Variants in OCM observed in about 807,000 individuals in gnomAD.
OCM encodes the protein oncomodulin-1.
A neutral mutation model predicts 14.1 loss-of-function variants in OCM; 18 were observed. The ratio of observed to expected loss-of-function variants is 1.28; its 90% CI spans 0.88 to 1.89. The LOEUF is 1.89. Ranked by LOEUF, OCM falls within the 40% of genes most tolerant of loss-of-function variation. OCM has a pLI of 0.00. For missense variants in OCM, 140 were observed against 137.6 expected (o/e 1.02, Z -0.09); for synonymous variants, 48 against 51.0 (o/e 0.94, Z 0.25).
In OCM at chr7:5,886,245, A is replaced by G. The variant is rs1781335041; in HGVS notation, c.*156A>G. 1.9e-6 allele frequency: 2 copies of G among 1,078,360 alleles called. No individual in the cohort carries two copies. Among genetic ancestry groups the G allele is most frequent in the Non-Finnish European group, 1.4e-6 (1 of 736,894 alleles). The allele number at this position is 1,078,360 out of a possible 1,614,324, so 66.8% of individuals were successfully genotyped here. Reference sequence around the variant, plus strand: ...TGCTCATTGTTTTAGTGAGGTCACGAGGGAGTCACTCCTGACTTTCTTGGT... The same window carrying G: ...TGCTCATTGTTTTAGTGAGGTCACGGGGGAGTCACTCCTGACTTTCTTGGT... On this transcript the variant is annotated 3_prime_UTR_variant, in exon 4 of 4. Transcript: ENST00000242104.
At chr7:5,881,082 G>C in intron 1 of OCM, 132 bp downstream of exon 1, 1 of 826,146 alleles carries the variant, frequency 1.2e-6, no homozygotes, top group South Asian at 1.6e-5. Context: ...ACTTTGGGAG[G>C]CCGAGGCGGG....
the OCM span, among the ~76,000 whole-genome samples, chr7:5,873,019 A>G: frequency 6.6e-6 from 1 of 152,092 alleles, no homozygotes; most frequent in African/African-American, 2.4e-5. Context: ...AGTGAACCAC[A>G]ATCGCATCAT....
chr7:5,883,344 C>G (rs1406522686), intron 2 of OCM, among the ~76,000 whole-genome samples: 1 of 151,970 alleles, frequency 6.6e-6, no homozygotes, highest in African/African-American at 2.4e-5. Context: ...GAGAGAGACT[C>G]TGTCTCAAAT....
chr7:5,870,634 T>C, the OCM span, among the ~76,000 whole-genome samples: 1 of 152,218 alleles, frequency 6.6e-6, no homozygotes, highest in Admixed American at 6.5e-5. Context: ...TAGTTTATCT[T>C]CATCTGTAAA....
upstream of OCM, among the ~76,000 whole-genome samples, chr7:5,879,187 C>G (rs148667509): frequency 9.2e-5 from 14 of 152,278 alleles, no homozygotes; most frequent in African/African-American, 3.1e-4. Context: ...GGCAACAGAG[C>G]AAGACCCTGT....
At chr7:5,860,130 A>T in the OCM span, among the ~76,000 whole-genome samples, 2 of 152,062 alleles carry the variant, frequency 1.3e-5, no homozygotes, top group South Asian at 4.2e-4. Flanking sequence ...GGAGCGAGAG[A>T]TGCCAGCTCT....
the OCM span, among the ~76,000 whole-genome samples, chr7:5,867,767 GGTT>G: frequency 2.0e-4 from 31 of 151,252 alleles, no homozygotes; most frequent in East Asian, 1.2e-3. Context: ...TGTTTTGGGG[GGTT>G]GTTTTTTCTA....
At chr7:5,885,605 T>C (rs1279581338) in intron 3 of OCM, among the ~76,000 whole-genome samples, 1 of 151,640 alleles carries the variant, frequency 6.6e-6, no homozygotes, top group Admixed American at 6.6e-5. Flanking sequence ...TTTTTCTTTC[T>C]TTCTTTCCTT....
the OCM span, among the ~76,000 whole-genome samples, chr7:5,860,065 C>A: frequency 1.6e-4 from 24 of 150,320 alleles, no homozygotes; most frequent in South Asian, 8.5e-4. Context: ...AGACCCCCCC[C>A]ACAAAGAGAA....
intron 2 of OCM, among the ~76,000 whole-genome samples, 189 bp downstream of exon 2, chr7:5,882,814 C>T (rs2128606952): frequency 6.7e-6 from 1 of 150,150 alleles, no homozygotes; most frequent in South Asian, 2.1e-4. Context: ...TCAATATGGG[C>T]AGAGAAGACT....
upstream of OCM, chr7:5,879,712 T>G (rs1468271237): frequency 6.6e-6 from 1 of 150,448 alleles, no homozygotes; most frequent in Non-Finnish European, 1.5e-5. Flanking sequence ...TTTTTTTTTT[T>G]TACAATTGGC....
At chr7:5,861,654 G>C in the OCM span, among the ~76,000 whole-genome samples, 69 of 152,282 alleles carry the variant, frequency 4.5e-4, no homozygotes, top group African/African-American at 1.5e-3. Flanking sequence ...TCTCTCACCA[G>C]TGCTTGGCAT....
At chr7:5,869,243 A>C in the OCM span, among the ~76,000 whole-genome samples, 1 of 152,150 alleles carries the variant, frequency 6.6e-6, no homozygotes, top group Non-Finnish European at 1.5e-5. Flanking sequence ...AGGCCCTCCT[A>C]GACACACCTG....
chr7:5,878,489 G>A (rs1270016138), upstream of OCM, among the ~76,000 whole-genome samples: 31 of 151,144 alleles, frequency 2.1e-4, no homozygotes, highest in Admixed American at 1.3e-3. Context: ...GCTCACGCCT[G>A]TAATCCCAGC....
the OCM span, among the ~76,000 whole-genome samples, chr7:5,861,676 C>G: frequency 0.017 from 2,511 of 152,180 alleles, 60 homozygotes; most frequent in African/African-American, 0.057. Flanking sequence ...GGTCAGCCCT[C>G]CTCATTTTGG....
chr7:5,864,210 A>C, the OCM span, among the ~76,000 whole-genome samples: 1 of 151,120 alleles, frequency 6.6e-6, no homozygotes, highest in Non-Finnish European at 1.5e-5. Context: ...ATGGTGGTGC[A>C]TGCCTGTGGT....
chr7:5,867,062 G>T, the OCM span, among the ~76,000 whole-genome samples: 4 of 152,036 alleles, frequency 2.6e-5, no homozygotes, highest in Non-Finnish European at 5.9e-5. Flanking sequence ...CTGCACATTG[G>T]ACGTTGAGGT....
the OCM span, among the ~76,000 whole-genome samples, chr7:5,863,440 G>A: frequency 5.3e-5 from 8 of 152,082 alleles, no homozygotes; most frequent in Non-Finnish European, 1.0e-4. Context: ...GGAAGAGGGA[G>A]TACGTGGAGT....
At chr7:5,867,213 C>T in the OCM span, among the ~76,000 whole-genome samples, 2 of 152,120 alleles carry the variant, frequency 1.3e-5, no homozygotes, top group Middle Eastern at 3.2e-3. Context: ...TGATGTCACT[C>T]GGTGCAGTGG....
Sources: allele counts gnomAD v4.1 joint callset (sites outside exome capture counted in the v4.1 genomes callset), GRCh38; gene constraint gnomAD v4.1.1; transcripts MANE v1.5; gene names NCBI Gene and HGNC (gene_info 2026-07-23, HGNC 2026-07-21).